Variants in SYT5 observed in about 807,000 individuals in gnomAD.
SYT5 encodes synaptotagmin 5, also known as synaptotagmin-5.
SYT5 carries 29 observed loss-of-function variants against 36.0 expected under a neutral mutation model. The ratio of observed to expected loss-of-function variants is 0.81; its 90% confidence interval spans 0.60 to 1.10. The LOEUF is 1.10. SYT5 is among the 50% of genes least tolerant of loss of function. The probability of loss-of-function intolerance (pLI) is 0.00; values close to 1 mark genes in which losing one functional copy is unlikely to be tolerated. For missense variants in SYT5, 512 were observed against 516.0 expected (o/e 0.99, Z 0.08); for synonymous variants, 231 against 227.6 (o/e 1.02, Z -0.14).
At position 55,174,522 on chromosome 19, in the gene SYT5, C is replaced by T. The variant is rs550607880; in HGVS notation, c.955G>A (p.Val319Ile). ...AFSFEVPCDQVQKVQVELTVL... is the reference protein window; with the variant it reads ...AFSFEVPCDQIQKVQVELTVL... ...AAGGGCAGGTTTGAGCTCACCTGGA[C>T]TTGGTCACAGGGCACCTCGAAGCTG... The change falls in exon 8 of 9, where the codon GTC becomes ATC. Residue 319 changes from valine to isoleucine, a missense_variant. Transcript: ENST00000354308. 7.4e-5 allele frequency: 120 copies of T among 1,614,002 alleles called. No individual in the cohort carries two copies. Among genetic ancestry groups the T allele is most frequent in the East Asian group, 7.4e-4 (33 of 44,876 alleles).
Position 55,179,162 on chromosome 19 carries a change from T to TGCG in SYT5, c.-45-79_-45-77dup, listed in dbSNP as rs2086115681. The TGCG allele has an allele frequency of 1.3e-6, 2 of 1,536,212 alleles. No individual in the cohort carries two copies. The highest frequency in any genetic ancestry group is 2.4e-5 in the South Asian group (2 of 83,694). ...AGAACTCCAACTCCCATGAGGCCTTTGCGCGAACAGCCGCGCAGAAACCGG... is the reference window on the plus strand; with the variant it reads ...AGAACTCCAACTCCCATGAGGCCTTTGCGGCGCGAACAGCCGCGCAGAAACCGG... On this transcript the variant is annotated intron_variant, in intron 1 of 8. Coordinates refer to ENST00000354308, the MANE Select transcript of SYT5 (RefSeq NM_003180.3). The surrounding 1 kb of genome is among the most constrained non-coding windows in gnomAD (Gnocchi z 4.5).
At chr19:55,177,830 C>T (rs1397385866) in intron 3 of SYT5, among the ~76,000 whole-genome samples, 2 of 152,206 alleles carry the variant, frequency 1.3e-5, no homozygotes, top group African/African-American at 4.8e-5. Flanking sequence ...GCTAGGATTA[C>T]AGGCGTGAGC....
intron 2 of SYT5, 131 bp from the exon 3 acceptor site, chr19:55,178,499 T>C: frequency 8.8e-7 from 1 of 1,140,074 alleles, no homozygotes; most frequent in Non-Finnish European, 1.2e-6. Flanking sequence ...TTTCTTCCTG[T>C]GTTTTTCTTC....
At position 55,174,879 on chromosome 19, in the gene SYT5, C is replaced by CAGGT; in HGVS notation, c.826+2_826+3insACCT. 6.2e-7 allele frequency: 1 copy of CAGGT among 1,613,942 alleles called. No homozygotes were observed. Among genetic ancestry groups the CAGGT allele is most frequent in the South Asian group, 1.1e-5 (1 of 91,074 alleles). ...ACACCCCACTCCCTTGCTTCCCACA[C>CAGGT]ACCTGACAGTCCTCCTACGTCCATC... On this transcript the variant is annotated splice_region_variant and intron_variant, in intron 7 of 8. Transcript: ENST00000354308.
In SYT5 at chr19:55,179,018, C is replaced by T. The variant is rs1326030696; in HGVS notation, c.24G>A (p.Pro8=). 1.2e-6 allele frequency: 2 copies of T among 1,603,768 alleles called. No individual in the cohort carries two copies. Among genetic ancestry groups the T allele is most frequent in the Non-Finnish European group, 8.5e-7 (1 of 1,175,684 alleles). MFPEPPT[P]GPPSPDTPPD... Reference sequence around the variant, plus strand: ...GAGGCGTGTCGGGCGATGGAGGCCCCGGGGTTGGGGGCTCCGGGAACATGG... The same window carrying T: ...GAGGCGTGTCGGGCGATGGAGGCCCTGGGGTTGGGGGCTCCGGGAACATGG... Residue 8 remains proline (P), a synonymous_variant, in exon 2 of 9, where the codon CCG becomes CCA. Coordinates refer to ENST00000354308, the MANE Select transcript of SYT5 (RefSeq NM_003180.3). This position sits in a 1 kb window ranked among gnomAD's most constrained non-coding sequence, Gnocchi z 4.5.
Position 55,175,526 on chromosome 19 carries a change from C to T in SYT5, c.540+183G>A, listed in dbSNP as rs1268224331. On this transcript the variant is annotated intron_variant, in intron 5 of 8. Transcript: ENST00000354308. This position sits in a 1 kb window ranked among gnomAD's most constrained non-coding sequence, Gnocchi z 4.5. ...CGGGTCAGTGGAACCCAAATCGTAC[C>T]GCCCAAGGACCAGGCTACAGCCCAG... Among the ~76,000 whole-genome samples, 1 of 152,094 alleles carries T rather than the reference C, an allele frequency of 6.6e-6. No individual in the cohort carries two copies. The highest frequency in any genetic ancestry group is 6.6e-5 in the Admixed American group (1 of 15,262).
rs5828614 is a variant in SYT5 at position 55,178,753 on chromosome 19, A to ATTTTTTTTTTTTTTTTT, written c.79+193_79+209dup. 5.9e-5 allele frequency among the ~76,000 whole-genome samples: 3 copies of ATTTTTTTTTTTTTTTTT among 50,472 alleles called. 1 individual carries two copies. The highest frequency in any genetic ancestry group is 9.7e-5 in the African/African-American group (1 of 10,270). 33.1% of individuals were successfully genotyped at this position (50,472 alleles called of 152,430 possible). Reference sequence around the variant, plus strand: ...TGCAACACCCCTTGATCCGGTTTCGATTTTTTTTTTTTTTTTTTTTTTTTT... The same window carrying ATTTTTTTTTTTTTTTTT: ...TGCAACACCCCTTGATCCGGTTTCGATTTTTTTTTTTTTTTTTTTTTTTTTTTTTTTTTTTTTTTTTT... On this transcript the variant is annotated intron_variant, in intron 2 of 8. Coordinates refer to ENST00000354308, the MANE Select transcript of SYT5 (RefSeq NM_003180.3).
Position 55,172,121 on chromosome 19 carries a change from AG to A in SYT5, c.*1362del, listed in dbSNP as rs1273113865. On this transcript the variant is annotated 3_prime_UTR_variant, in exon 9 of 9. Coordinates refer to ENST00000354308, the MANE Select transcript of SYT5 (RefSeq NM_003180.3). ...AAGAAGAGAAGAAAAGAAATAGAAA[AG>A]AAAAGAAAAGAAGAAGGGCCGGGCG... 2 of 152,042 alleles carry A rather than the reference AG, an allele frequency of 1.3e-5. No homozygotes were observed. The highest frequency in any genetic ancestry group is 2.9e-5 in the Non-Finnish European group (2 of 68,060). 9.4% of individuals were successfully genotyped at this position (152,042 alleles called of 1,614,324 possible). A position where few individuals can be genotyped will look rare whatever the true frequency, so the allele number is the denominator to read the frequency against.
In SYT5 at chr19:55,175,206, G is replaced by C. The variant is rs909966949; in HGVS notation, c.674C>G (p.Ala225Gly). Reference protein sequence around the residue: ...SSVDLGRPVQAWRELQAAPRE... With the variant: ...SSVDLGRPVQGWRELQAAPRE... ...CGGAGCCGCCTGCAGCTCCCGCCAG[G>C]CCTGCACTGGCCGCCCCAGGTCCAC... The change falls in exon 6 of 9, where the codon GCC becomes GGC. Residue 225 changes from alanine (A) to glycine (G), a missense_variant. Ala to Gly is a moderately conservative substitution (Grantham distance 60). Transcript: ENST00000354308. This position sits in a 1 kb window ranked among gnomAD's most constrained non-coding sequence, Gnocchi z 4.5. 2 of 1,609,822 alleles carry C rather than the reference G, an allele frequency of 1.2e-6. No individual in the cohort carries two copies. Among genetic ancestry groups the C allele is most frequent in the East Asian group, 4.5e-5 (2 of 44,740 alleles).
intron 3 of SYT5, chr19:55,176,372 C>A (rs1481721148): frequency 1.9e-6 from 1 of 531,568 alleles, no homozygotes; most frequent in African/African-American, 1.9e-5. Flanking sequence ...ATGTGCTTGT[C>A]ATGCTTAGAT....
rs1185888455 is a variant in SYT5 at position 55,175,360 on chromosome 19, G to A, written c.541-21C>T. On this transcript the variant is annotated intron_variant, in intron 5 of 8. Coordinates refer to ENST00000354308, the MANE Select transcript of SYT5 (RefSeq NM_003180.3). The surrounding 1 kb of genome is among the most constrained non-coding windows in gnomAD (Gnocchi z 4.5). ...GGGACCTGGAGTGCACAGAGAATCC[G>A]CAGTAGAGAGCAGGAAGTCAGAGAT... 2 of 1,509,514 alleles carry A rather than the reference G, an allele frequency of 1.3e-6. No individual in the cohort carries two copies. Among genetic ancestry groups the A allele is most frequent in the South Asian group, 1.3e-5 (1 of 74,750 alleles). 93.5% of individuals were successfully genotyped at this position (1,509,514 alleles called of 1,614,324 possible).
At chr19:55,176,180 C>A in intron 3 of SYT5, 56 bp from the exon 4 acceptor site, 1 of 1,610,410 alleles carries the variant, frequency 6.2e-7, no homozygotes, top group South Asian at 1.1e-5. Context: ...CAGTATCCAT[C>A]AGGCTCAGAA....
chr19:55,173,332 G>C lies in SYT5; in HGVS notation c.*152C>G, dbSNP rs906270249. On this transcript the variant is annotated 3_prime_UTR_variant, in exon 9 of 9. Transcript: ENST00000354308. The surrounding 1 kb of genome is among the most constrained non-coding windows in gnomAD (Gnocchi z 5.4). ...TGATTGGCATCGTTGGGGGTGAGAA[G>C]ACAGGAATGGTTCAGATGGTTGGGG... is the stretch of plus-strand genomic sequence containing the variant. 61 of 571,202 alleles carry C rather than the reference G, an allele frequency of 1.1e-4. No individual in the cohort carries two copies. The African/African-American group carries it at 1.1e-3, about 11-fold the overall frequency. 35.4% of individuals were successfully genotyped at this position (571,202 alleles called of 1,614,324 possible). A position where few individuals can be genotyped will look rare whatever the true frequency, so the allele number is the denominator to read the frequency against.
rs2086002899 is a variant in SYT5 at position 55,171,204 on chromosome 19, G to C, written c.*2280C>G. On this transcript the variant is annotated 3_prime_UTR_variant, in exon 9 of 9. Coordinates refer to ENST00000354308, the MANE Select transcript of SYT5 (RefSeq NM_003180.3). ...CAGTTTGGACTCATTTGTCAACTGG[G>C]AATAATGATCATGTTTATTTCATGA... The C allele has an allele frequency of 6.6e-6, 1 of 151,922 alleles. No homozygotes were observed. 9.4% of individuals were successfully genotyped at this position (151,922 alleles called of 1,614,324 possible).
intron 7 of SYT5, 32 bp downstream of exon 7, chr19:55,174,850 C>G (rs772521026): frequency 1.2e-6 from 2 of 1,607,194 alleles, no homozygotes; most frequent in South Asian, 2.2e-5. Context: ...CACGCCATCC[C>G]CACACACCCC....
intron 2 of SYT5, 89 bp from the exon 3 acceptor site, chr19:55,178,457 G>T (rs886484737): frequency 1.6e-5 from 23 of 1,403,066 alleles, no homozygotes; most frequent in South Asian, 2.9e-5. Context: ...TGGAATGCTG[G>T]CCTCCTTTTC....
chr19:55,175,754 A>G lies in SYT5; in HGVS notation c.495T>C (p.His165=), dbSNP rs1284080222. 1 of 1,614,040 alleles carries G rather than the reference A, an allele frequency of 6.2e-7. No individual in the cohort carries two copies. The highest frequency in any genetic ancestry group is 8.5e-7 in the Non-Finnish European group (1 of 1,179,998). ...DKRRRYETKV[H]RQTLNPHFGE... ...CAAAGTGAGGGTTCAGCGTCTGCCG[A>G]TGCACCTTGGTCTCGTACCGCCTCC... Residue 165 remains histidine, a synonymous_variant, in exon 5 of 9, where the codon CAT becomes CAC. Coordinates refer to ENST00000354308, the MANE Select transcript of SYT5 (RefSeq NM_003180.3). The surrounding 1 kb of genome is among the most constrained non-coding windows in gnomAD (Gnocchi z 4.5).
At chr19:55,176,232 C>G in intron 3 of SYT5, 108 bp from the exon 4 acceptor site, 1 of 1,485,714 alleles carries the variant, frequency 6.7e-7, no homozygotes. Context: ...TACCTGAGCT[C>G]TCACAGGCTA....
In SYT5 at chr19:55,178,954, CT is replaced by C. The variant is rs748847515; in HGVS notation, c.79+8del. ...TCTGCTCGGCCCCCCACCCCCGGGT[CT>C]TGCTCACCTGGGCCGTGGCTGATGC... On this transcript the variant is annotated splice_region_variant and intron_variant, in intron 2 of 8. Transcript: ENST00000354308. 2.0e-6 allele frequency: 3 copies of C among 1,507,422 alleles called. No individual in the cohort carries two copies. The allele number at this position is 1,507,422 out of a possible 1,614,324, so 93.4% of individuals were successfully genotyped here. A position where few individuals can be genotyped will look rare whatever the true frequency, so the allele number is the denominator to read the frequency against.
Sources: gnomAD v4.1 joint callset for allele counts (sites outside exome capture counted in the v4.1 genomes callset) on GRCh38, gnomAD v4.1.1 for gene constraint, Gnocchi (gnomAD v3.1) non-coding constraint, MANE v1.5 for transcripts, NCBI Gene and HGNC (gene_info 2026-07-23, HGNC 2026-07-21) for gene names.